Variants in TAOK1 observed in about 807,000 individuals in gnomAD.
TAOK1 encodes serine/threonine-protein kinase TAO1.
In TAOK1, 21 loss-of-function variants were observed where a neutral mutation model predicts 138.3. That is an observed-to-expected ratio of 0.15 (90% CI 0.11 to 0.22). The LOEUF (loss-of-function observed/expected upper bound fraction) is 0.22. Among genes scored for constraint, TAOK1 ranks in the 10% least tolerant of loss-of-function variants. TAOK1 has a pLI of 1.00. For missense variants in TAOK1, 651 were observed against 1,227.7 expected (o/e 0.53, Z 7.02); for synonymous variants, 361 against 398.4 (o/e 0.91, Z 1.12).
At chr17:29,391,486 T>G (rs74799181) in intron 1 of TAOK1, among the ~76,000 whole-genome samples, 2,340 of 152,182 alleles carry the variant, frequency 0.015, 64 homozygotes, top group African/African-American at 0.053. Context: ...GATGGAAGCG[T>G]TTCTCTCCCC....
chr17:29,423,170 T>C (rs1172093767), intron 1 of TAOK1, among the ~76,000 whole-genome samples: 1 of 151,242 alleles, frequency 6.6e-6, no homozygotes, highest in Non-Finnish European at 1.5e-5. Flanking sequence ...TTTTTTTTTT[T>C]TTAAGTTTCT....
chr17:29,410,862 T>A (rs1255556354), intron 1 of TAOK1, among the ~76,000 whole-genome samples: 1 of 151,742 alleles, frequency 6.6e-6, no homozygotes, highest in Admixed American at 6.6e-5. Context: ...CTTGAACTCC[T>A]GACCTCAGGT....
At chr17:29,531,534 G>A (rs2032109264) in intron 18 of TAOK1, among the ~76,000 whole-genome samples, 2 of 151,900 alleles carry the variant, frequency 1.3e-5, no homozygotes, top group Admixed American at 6.6e-5. Context: ...AAGCCTAGGC[G>A]GGTGGATCAC....
chr17:29,463,524 T>G (rs1404042545), intron 2 of TAOK1, among the ~76,000 whole-genome samples: 4 of 151,670 alleles, frequency 2.6e-5, no homozygotes, highest in Non-Finnish European at 5.9e-5. Flanking sequence ...TGAGCCGAGA[T>G]TGCGCCACCG....
At chr17:29,494,072 A>G (rs1272605827) in intron 10 of TAOK1, among the ~76,000 whole-genome samples, 1 of 152,010 alleles carries the variant, frequency 6.6e-6, no homozygotes, top group Non-Finnish European at 1.5e-5. Flanking sequence ...CTATGCCTCC[A>G]CGTCCTGCTA....
rs959906738 is a variant in TAOK1 at position 29,392,385 on chromosome 17, T to C, written c.-95+1361T>C. 3.3e-5 allele frequency among the ~76,000 whole-genome samples: 5 copies of C among 152,228 alleles called. No homozygotes were observed. The South Asian group carries it at 6.2e-4, about 19-fold the overall frequency. On this transcript the variant is annotated intron_variant, in intron 1 of 19. Coordinates refer to ENST00000261716, the MANE Select transcript of TAOK1 (RefSeq NM_020791.4). ...CTTTCTGCAGCTGTTTCTTTGTTCTTATTAATCTGCCTAATTATTCTATGA... is the reference window on the plus strand; with the variant it reads ...CTTTCTGCAGCTGTTTCTTTGTTCTCATTAATCTGCCTAATTATTCTATGA...
intron 17 of TAOK1, among the ~76,000 whole-genome samples, chr17:29,525,171 G>T (rs554858957): frequency 6.6e-6 from 1 of 152,150 alleles, no homozygotes; most frequent in African/African-American, 2.4e-5. Flanking sequence ...GGAATGCAAT[G>T]GCACGATCTC....
chr17:29,410,635 G>GTT (rs1207404073), intron 1 of TAOK1, among the ~76,000 whole-genome samples: 29 of 136,912 alleles, frequency 2.1e-4, no homozygotes, highest in African/African-American at 7.2e-4. Flanking sequence ...TTTTTTTTTG[G>GTT]TTTTTTTTTT....
chr17:29,408,413 G>A (rs562655985), intron 1 of TAOK1, among the ~76,000 whole-genome samples: 3 of 151,492 alleles, frequency 2.0e-5, no homozygotes, highest in South Asian at 2.1e-4. Flanking sequence ...ATGGGGTTTC[G>A]CCGTGTTGCC....
chr17:29,453,985 T>A (rs2030311763), intron 2 of TAOK1, among the ~76,000 whole-genome samples: 1 of 134,978 alleles, frequency 7.4e-6, no homozygotes, highest in Non-Finnish European at 1.6e-5. Flanking sequence ...ATTTTTTTGC[T>A]TTTTTTTTTT....
intron 12 of TAOK1, among the ~76,000 whole-genome samples, chr17:29,500,347 C>T (rs1236213041): frequency 6.6e-6 from 1 of 151,914 alleles, no homozygotes; most frequent in Non-Finnish European, 1.5e-5. Context: ...AGGAATGCTT[C>T]CTTTTTCACT....
chr17:29,481,529 A>G (rs1164616641), intron 7 of TAOK1, among the ~76,000 whole-genome samples: 2 of 152,072 alleles, frequency 1.3e-5, no homozygotes, highest in African/African-American at 4.8e-5. Flanking sequence ...AGACCAAAAT[A>G]TTTGAGAACC....
intron 13 of TAOK1, among the ~76,000 whole-genome samples, chr17:29,502,926 C>T (rs1433096633): frequency 1.3e-5 from 2 of 151,926 alleles, no homozygotes; most frequent in Non-Finnish European, 2.9e-5. Flanking sequence ...ATGACACGTA[C>T]ACAAAAAACG....
At chr17:29,449,926 A>G (rs1235450465) in intron 1 of TAOK1, among the ~76,000 whole-genome samples, 1 of 152,162 alleles carries the variant, frequency 6.6e-6, no homozygotes, top group East Asian at 1.9e-4. Context: ...GAAAATAGCT[A>G]ACACTTACTG....
At chr17:29,499,228 TC>T (rs1344347701) in intron 12 of TAOK1, among the ~76,000 whole-genome samples, 3 of 133,678 alleles carry the variant, frequency 2.2e-5, no homozygotes, top group African/African-American at 6.1e-5. Flanking sequence ...AATGTTTATA[TC>T]TTTTTTTTTT....
In TAOK1 at chr17:29,550,037, A is replaced by T. The variant is rs1365867277; in HGVS notation, c.*7015A>T. On this transcript the variant is annotated 3_prime_UTR_variant, in exon 20 of 20. Coordinates refer to ENST00000261716, the MANE Select transcript of TAOK1 (RefSeq NM_020791.4). ...AGGCCAGTAATTTATCTGAAAAGGT[A>T]TTTTATCACACCTTGACACCTTATA... The T allele has an allele frequency of 6.6e-6, 1 of 152,136 alleles. No individual in the cohort carries two copies. The highest frequency in any genetic ancestry group is 1.9e-4 in the East Asian group (1 of 5,198). 9.4% of individuals were successfully genotyped at this position (152,136 alleles called of 1,614,324 possible).
At chr17:29,423,418 C>T (rs943695358) in intron 1 of TAOK1, among the ~76,000 whole-genome samples, 4 of 151,582 alleles carry the variant, frequency 2.6e-5, no homozygotes, top group African/African-American at 7.2e-5. Flanking sequence ...GGGGTTTCAC[C>T]GTGTTAGCCA....
chr17:29,505,449 C>G (rs1487386071), intron 13 of TAOK1, among the ~76,000 whole-genome samples: 1 of 152,102 alleles, frequency 6.6e-6, no homozygotes, highest in Non-Finnish European at 1.5e-5. Flanking sequence ...CAGCTCTAAT[C>G]CCAGCACTTT....
intron 2 of TAOK1, among the ~76,000 whole-genome samples, chr17:29,462,265 C>T (rs1055532763): frequency 3.9e-5 from 6 of 152,130 alleles, no homozygotes; most frequent in Admixed American, 1.3e-4. Context: ...GGACTGGTAC[C>T]GTAGTGAGTA....
Sources: allele counts gnomAD v4.1 joint callset (sites outside exome capture counted in the v4.1 genomes callset), GRCh38; gene constraint gnomAD v4.1.1; transcripts MANE v1.5; gene names NCBI Gene and HGNC (gene_info 2026-07-23, HGNC 2026-07-21).